The following PI4KA variants were observed in gnomAD, a reference collection of about 807,000 sequenced individuals.
PI4KA encodes the protein phosphatidylinositol 4-kinase alpha, also known as PI4-kinase alpha.
In PI4KA, 122 loss-of-function variants were observed where a neutral mutation model predicts 271.4. The ratio of observed to expected loss-of-function variants is 0.45; its 90% CI spans 0.39 to 0.52. The LOEUF is 0.52. PI4KA is among the 20% of genes least tolerant of loss of function. The pLI, the probability that PI4KA is intolerant of heterozygous loss-of-function variation, is 0.00. For missense variants in PI4KA, 1,969 were observed against 2,769.1 expected, an observed-to-expected ratio of 0.71 and a Z score of 6.48; for synonymous variants, 1,041 against 1,078.8, an observed-to-expected ratio of 0.96 and a Z score of 0.69.
intron 32 of PI4KA, among the ~76,000 whole-genome samples, chr22:20,739,439 G>C (rs907732544): frequency 1.3e-5 from 2 of 149,584 alleles, no homozygotes; most frequent in Admixed American, 6.7e-5. Context: ...TTTGACGTCA[G>C]CCTGGGCAAC....
intron 50 of PI4KA, 33 bp downstream of exon 50, chr22:20,712,453 C>T (rs765395786): frequency 2.4e-5 from 38 of 1,604,750 alleles, no homozygotes; most frequent in Admixed American, 6.8e-5. Flanking sequence ...GGAGCACACA[C>T]GACCTCCCCC....
chr22:20,794,024 C>T (rs1328472725), intron 18 of PI4KA, among the ~76,000 whole-genome samples: 1 of 152,232 alleles, frequency 6.6e-6, no homozygotes, highest in East Asian at 1.9e-4. Context: ...CAGTAGCTTG[C>T]CAAGGCCACA....
Position 20,742,673 on chromosome 22 carries a change from C to A in PI4KA, c.3548G>T (p.Arg1183Leu), listed in dbSNP as rs373302183. Residue 1183 changes from arginine (R) to leucine (L), a missense_variant, in exon 31 of 55, where the codon CGC (arginine) becomes CTC (leucine). Physicochemically the swap from Arg to Leu is moderately radical, Grantham distance 102. Around this residue, in one of 13 missense-constraint regions of PI4KA, gnomAD observed 203 missense variants for 256.8 expected, o/e 0.79. Transcript: ENST00000255882. ...CTGCGTGTAGTGCTGAGGATGACTGCGGTCTAAAGCTGAATGTAGATCCTG... is the reference window on the plus strand; with the variant it reads ...CTGCGTGTAGTGCTGAGGATGACTGAGGTCTAAAGCTGAATGTAGATCCTG... ...MVQDLHSALDRSHPQHYTQAM... is the reference protein window; with the variant it reads ...MVQDLHSALDLSHPQHYTQAM... The A allele has an allele frequency of 1.1e-5, 18 of 1,613,876 alleles. No individual in the cohort carries two copies. The East Asian group carries it at 2.5e-4, about 22-fold the overall frequency.
chr22:20,763,300 C>T (rs529666988), intron 22 of PI4KA, among the ~76,000 whole-genome samples: 7 of 151,424 alleles, frequency 4.6e-5, no homozygotes, highest in East Asian at 3.9e-4. Context: ...TTAGTAGAGA[C>T]GGGGTTTCAC....
intron 1 of PI4KA, among the ~76,000 whole-genome samples, chr22:20,849,042 A>G (rs165794): frequency 0.49 from 74,011 of 151,960 alleles, 18,521 homozygotes; most frequent in African/African-American, 0.59. Context: ...ATCTCCAAAG[A>G]AGATCTACAA....
chr22:20,823,565 T>G (rs984478010), intron 4 of PI4KA, among the ~76,000 whole-genome samples: 1 of 152,234 alleles, frequency 6.6e-6, no homozygotes, highest in African/African-American at 2.4e-5. Flanking sequence ...ATGAAATACA[T>G]GTTTGTAACA....
intron 2 of PI4KA, among the ~76,000 whole-genome samples, chr22:20,837,136 C>G (rs1411901570): frequency 6.6e-6 from 1 of 152,162 alleles, no homozygotes; most frequent in African/African-American, 2.4e-5. Context: ...TGCCTGTAAT[C>G]CCAGCACTTT....
At chr22:20,822,202 G>T (rs1922801610) in intron 4 of PI4KA, among the ~76,000 whole-genome samples, 1 of 151,936 alleles carries the variant, frequency 6.6e-6, no homozygotes, top group African/African-American at 2.4e-5. Context: ...GTGTCACTAT[G>T]CCCAGCTAAT....
At position 20,764,177 on chromosome 22, in the gene PI4KA, A is replaced by C. The variant is rs539481383; in HGVS notation, c.2708+640T>G. On this transcript the variant is annotated intron_variant, in intron 22 of 54. Transcript: ENST00000255882. ...CTCAGCTGCTGTCCCAGGGCGCCTG[A>C]GGCCTCAGCACAGTGGGTCTGTATA... 7.2e-5 allele frequency among the ~76,000 whole-genome samples: 11 copies of C among 152,332 alleles called. No homozygotes were observed. In the South Asian group the frequency reaches 2.3e-3, roughly 32 times the overall value.
rs750967829 is a variant in PI4KA, at chr22:20,818,493, G to A, written c.846C>T (p.His282=). ...PPSSPGGSAF[H]YFEASCLPDG... is the part of the protein sequence containing the mutation. ...AAAGGTGAAGCCCACCTTCAAAGTAGTGAAAGGCAGATCCTCCAGGGGAAC... is the reference window on the plus strand; with the variant it reads ...AAAGGTGAAGCCCACCTTCAAAGTAATGAAAGGCAGATCCTCCAGGGGAAC... Residue 282 remains histidine, a synonymous_variant, in exon 7 of 55, where the codon CAC becomes CAT. Coordinates refer to ENST00000255882, the MANE Select transcript of PI4KA (RefSeq NM_058004.4). The A allele has an allele frequency of 6.3e-7, 1 of 1,580,802 alleles. No homozygotes were observed.
intron 19 of PI4KA, among the ~76,000 whole-genome samples, chr22:20,791,932 C>T (rs1332434405): frequency 1.3e-5 from 2 of 152,044 alleles, no homozygotes; most frequent in African/African-American, 4.8e-5. Context: ...GAAACCCCAT[C>T]TCTACTAAAA....
chr22:20,770,927 C>T (rs1932845705), intron 19 of PI4KA, among the ~76,000 whole-genome samples: 1 of 152,140 alleles, frequency 6.6e-6, no homozygotes, highest in Non-Finnish European at 1.5e-5. Flanking sequence ...CGCCTGTCTT[C>T]CCAGCTCTTT....
chr22:20,710,892 T>C (rs762058797), intron 51 of PI4KA, 34 bp from the exon 52 acceptor site: 2 of 1,608,672 alleles, frequency 1.2e-6, no homozygotes, highest in African/African-American at 1.3e-5. Context: ...TGTGACTGGG[T>C]AGGAGCCAGG....
intron 3 of PI4KA, among the ~76,000 whole-genome samples, chr22:20,831,968 T>C (rs1173370599): frequency 6.6e-6 from 1 of 152,206 alleles, no homozygotes; most frequent in African/African-American, 2.4e-5. Context: ...CAATGAGTTG[T>C]ATATTTGGTC....
chr22:20,722,826 T>C (rs919670996), intron 42 of PI4KA, among the ~76,000 whole-genome samples: 7 of 152,222 alleles, frequency 4.6e-5, no homozygotes, highest in Non-Finnish European at 1.0e-4. Context: ...GTCTTCACTT[T>C]GGGTTTCCCA....
At chr22:20,779,851 T>C in intron 19 of PI4KA, 2 of 1,614,210 alleles carry the variant, frequency 1.2e-6, no homozygotes, top group Non-Finnish European at 8.5e-7. Flanking sequence ...GTGCACTCGA[T>C]TTTGCATTTT....
chr22:20,793,091 A>G, intron 19 of PI4KA, 102 bp downstream of exon 19: 1 of 777,670 alleles, frequency 1.3e-6, no homozygotes, highest in Non-Finnish European at 2.3e-6. Flanking sequence ...TAGGGGCCTC[A>G]ACACTGCACC....
chr22:20,807,492 C>T (rs757069039), intron 9 of PI4KA, 34 bp from the exon 10 acceptor site: 2 of 1,266,680 alleles, frequency 1.6e-6, no homozygotes, highest in Admixed American at 3.5e-5. Context: ...GACTATAGAA[C>T]AGAAATGCCC....
chr22:20,834,519 T>G, intron 3 of PI4KA, 43 bp downstream of exon 3: 1 of 1,123,050 alleles, frequency 8.9e-7, no homozygotes, highest in Non-Finnish European at 1.4e-6. Context: ...ACTGAACATG[T>G]GTATTTTCTC....
Sources: gnomAD v4.1 joint callset for allele counts (sites outside exome capture counted in the v4.1 genomes callset) on GRCh38, gnomAD v4.1.1 for gene constraint, gnomAD v4.1.1 regional missense constraint, MANE v1.5 for transcripts, NCBI Gene and HGNC (gene_info 2026-07-23, HGNC 2026-07-21) for gene names.